The following PARD3 variants were observed in gnomAD, a reference collection of about 807,000 sequenced individuals.
PARD3 encodes the protein par-3 family cell polarity regulator.
PARD3 carries 75 observed loss-of-function variants against 155.4 expected under a neutral mutation model. The ratio of observed to expected loss-of-function variants is 0.48; its 90% CI spans 0.40 to 0.58. The LOEUF is 0.58. Among genes scored for constraint, PARD3 ranks in the 20% least tolerant of loss-of-function variants. The pLI is 0.00. For synonymous variants in PARD3, 576 were observed against 610.5 expected (o/e 0.94, Z 0.83); for missense variants, 1,642 against 1,721.7 (o/e 0.95, Z 0.82).
chr10:34,111,481 G>A lies in PARD3; in HGVS notation c.3750C>T (p.Ala1250=). 1 of 1,614,076 alleles carries A rather than the reference G, an allele frequency of 6.2e-7. No individual in the cohort carries two copies. The highest frequency in any genetic ancestry group is 8.5e-7 in the Non-Finnish European group (1 of 1,180,000). ...AGCTGGAGTACCTGGGGTTCTCTTT[G>A]GCACTCTGGAAGCCTTCCCCAGGGG... is the stretch of plus-strand genomic sequence containing the variant. ...NYSPGEGFQS[A]KENPRYSSYQ... is the part of the protein sequence containing the mutation. Residue 1250 remains alanine, a synonymous_variant, in exon 25 of 25, where the codon GCC becomes GCT. Coordinates refer to ENST00000374788, the MANE Select transcript of PARD3 (RefSeq NM_001184785.2).
At chr10:34,525,239 T>C (rs773971) in intron 2 of PARD3, among the ~76,000 whole-genome samples, 73,820 of 152,054 alleles carry the variant, frequency 0.49, 20,065 homozygotes, top group African/African-American at 0.75. Context: ...GTTATGCATG[T>C]GAGATTAATT....
intron 4 of PARD3, among the ~76,000 whole-genome samples, chr10:34,453,863 C>T (rs1016709068): frequency 6.6e-6 from 1 of 152,192 alleles, no homozygotes; most frequent in African/African-American, 2.4e-5. Flanking sequence ...CTGAAGATGG[C>T]AAGGTCTGCA....
At chr10:34,406,756 C>T (rs556763244) in intron 5 of PARD3, among the ~76,000 whole-genome samples, 10 of 147,914 alleles carry the variant, frequency 6.8e-5, no homozygotes, top group African/African-American at 2.0e-4. Context: ...ACACAGAATG[C>T]AAGGGGAAAA....
chr10:34,417,741 G>T (rs760335184), intron 5 of PARD3, among the ~76,000 whole-genome samples: 1 of 152,184 alleles, frequency 6.6e-6, no homozygotes, highest in Non-Finnish European at 1.5e-5. Flanking sequence ...AATAGGCTGA[G>T]CCTAAATTCC....
Position 34,399,383 on chromosome 10 carries a change from G to C in PARD3, c.837C>G (p.Asn279Lys). ...DDMVKLVEVP[N>K]DGGPLGIHVV... is the part of the protein sequence containing the mutation. ...CGTGGATTCCCAGAGGCCCTCCATCGTTGGGGACTTCTACGAGCTTTACCA... is the reference window on the plus strand; with the variant it reads ...CGTGGATTCCCAGAGGCCCTCCATCCTTGGGGACTTCTACGAGCTTTACCA... Residue 279 changes from asparagine (N) to lysine (K), a missense_variant, in exon 7 of 25, where the codon AAC becomes AAG. Physicochemically the swap from Asn to Lys is moderately conservative, Grantham distance 94. Coordinates refer to ENST00000374788, the MANE Select transcript of PARD3 (RefSeq NM_001184785.2). 1 of 1,611,262 alleles carries C rather than the reference G, an allele frequency of 6.2e-7. No individual in the cohort carries two copies. Among genetic ancestry groups the C allele is most frequent in the South Asian group, 1.1e-5 (1 of 91,030 alleles).
intron 4 of PARD3, among the ~76,000 whole-genome samples, chr10:34,452,270 T>C (rs2077102635): frequency 6.6e-6 from 1 of 152,136 alleles, no homozygotes; most frequent in Non-Finnish European, 1.5e-5. Context: ...CTCTTTTCAG[T>C]AGGAACTGTA....
At chr10:34,770,570 C>T (rs1200102612) in intron 1 of PARD3, among the ~76,000 whole-genome samples, 4 of 152,146 alleles carry the variant, frequency 2.6e-5, no homozygotes, top group Non-Finnish European at 5.9e-5. Context: ...TGCGCTGGAC[C>T]TGCATTCTGA....
At chr10:34,224,608 A>T (rs1039352483) in intron 22 of PARD3, among the ~76,000 whole-genome samples, 1 of 152,240 alleles carries the variant, frequency 6.6e-6, no homozygotes, top group African/African-American at 2.4e-5. Flanking sequence ...AAGTAGGAAA[A>T]CTTAGGTGCC....
At chr10:34,605,511 ATATATATATCTCC>A (rs1171894753) in intron 2 of PARD3, among the ~76,000 whole-genome samples, 1,117 of 71,682 alleles carry the variant, frequency 0.016, 153 homozygotes, top group East Asian at 0.028. Context: ...TCTTAAATAT[ATATATATATCTCC>A]TATATATATC....
At chr10:34,156,360 G>A (rs1405288923) in intron 22 of PARD3, among the ~76,000 whole-genome samples, 1 of 152,130 alleles carries the variant, frequency 6.6e-6, no homozygotes, top group African/African-American at 2.4e-5. Flanking sequence ...GCCTCCCAAA[G>A]TGCTAGAATT....
At chr10:34,427,376 G>A (rs183841508) in intron 5 of PARD3, among the ~76,000 whole-genome samples, 69 of 152,334 alleles carry the variant, frequency 4.5e-4, no homozygotes, top group African/African-American at 1.4e-3. Flanking sequence ...TTATGCAGAC[G>A]TAGGTAGGGA....
At chr10:34,741,980 C>T (rs188819431) in intron 1 of PARD3, among the ~76,000 whole-genome samples, 4 of 152,188 alleles carry the variant, frequency 2.6e-5, no homozygotes, top group Non-Finnish European at 4.4e-5. Flanking sequence ...TCAGGTTCAG[C>T]GACAATACTC....
At chr10:34,679,436 A>G (rs952909022) in intron 2 of PARD3, among the ~76,000 whole-genome samples, 1 of 152,200 alleles carries the variant, frequency 6.6e-6, no homozygotes, top group Non-Finnish European at 1.5e-5. Flanking sequence ...GCCAAAATAG[A>G]CAGAGGGCTA....
chr10:34,624,098 T>C lies in PARD3; in HGVS notation c.222+72220A>G, dbSNP rs527287171. On this transcript the variant is annotated intron_variant, in intron 2 of 24. Transcript: ENST00000374788. Reference sequence around the variant, plus strand: ...GTGTGCACACGGCTCCTATTCCACATGGTTTTTTGTTGATGTTTCCCATTA... The same window carrying C: ...GTGTGCACACGGCTCCTATTCCACACGGTTTTTTGTTGATGTTTCCCATTA... Among the ~76,000 whole-genome samples the C allele has an allele frequency of 7.2e-5, 11 of 152,282 alleles. No homozygotes were observed. The East Asian group carries it at 1.4e-3, about 19-fold the overall frequency.
intron 3 of PARD3, among the ~76,000 whole-genome samples, chr10:34,496,740 T>A (rs1470422787): frequency 6.6e-6 from 1 of 152,184 alleles, no homozygotes; most frequent in Non-Finnish European, 1.5e-5. Context: ...TCCGAAGAGA[T>A]ATATCAATCA....
chr10:34,331,017 T>C, intron 19 of PARD3, 100 bp downstream of exon 19: 2 of 782,014 alleles, frequency 2.6e-6, no homozygotes, highest in East Asian at 2.6e-5. Context: ...TCTCAGAGAT[T>C]ACCCTGAAGA....
intron 16 of PARD3, among the ~76,000 whole-genome samples, chr10:34,338,567 T>G (rs900179272): frequency 6.6e-6 from 1 of 152,196 alleles, no homozygotes; most frequent in South Asian, 2.1e-4. Flanking sequence ...TTCCTCATGT[T>G]TCTGATGGAA....
At chr10:34,331,007 TC>T in intron 19 of PARD3, 109 bp downstream of exon 19, 1 of 720,364 alleles carries the variant, frequency 1.4e-6, no homozygotes, top group East Asian at 2.7e-5. Context: ...ACCTCAGAGA[TC>T]TCAGAGATTA....
At chr10:34,609,087 A>G (rs1195176592) in intron 2 of PARD3, among the ~76,000 whole-genome samples, 1 of 152,224 alleles carries the variant, frequency 6.6e-6, no homozygotes, top group African/African-American at 2.4e-5. Flanking sequence ...CTAAGATTCC[A>G]GGAATGAATA....
Sources: allele counts gnomAD v4.1 joint callset (sites outside exome capture counted in the v4.1 genomes callset), GRCh38; gene constraint gnomAD v4.1.1; transcripts MANE v1.5; gene names NCBI Gene and HGNC (gene_info 2026-07-23, HGNC 2026-07-21).